The following TMF1 variants were observed in gnomAD, a reference collection of about 807,000 sequenced individuals.
The protein encoded by TMF1 is TATA element modulatory factor 1.
A neutral mutation model predicts 126.5 loss-of-function variants in TMF1; 71 were observed. The ratio of observed to expected loss-of-function variants is 0.56; its 90% CI spans 0.46 to 0.68. The LOEUF (loss-of-function observed/expected upper bound fraction) is 0.68, where lower values mean the gene tolerates loss of function less well. Among genes scored for constraint, TMF1 ranks in the 30% least tolerant of loss-of-function variants. The pLI is 0.00. For synonymous variants in TMF1, 461 were observed against 430.5 expected, an observed-to-expected ratio of 1.07 and a Z score of -0.88; for missense variants, 1,259 against 1,253.2, an observed-to-expected ratio of 1.00 and a Z score of -0.07.
chr3:69,047,899 C>T lies in TMF1; in HGVS notation c.806G>A (p.Ser269Asn). 6.2e-7 allele frequency: 1 copy of T among 1,613,884 alleles called. No homozygotes were observed. Among genetic ancestry groups the T allele is most frequent in the Non-Finnish European group, 8.5e-7 (1 of 1,180,016 alleles). The change falls in exon 2 of 17, where the codon AGT becomes AAT. Residue 269 changes from serine to asparagine, a missense_variant. Transcript: ENST00000398559. Reference protein sequence around the residue: ...IEVLDHESVISESSASSRQET... With the variant: ...IEVLDHESVINESSASSRQET... ...TTGTCTCGAGCTCGCTGAGCTCTCACTTATTACACTTTCATGATCTAAAAC... is the reference window on the plus strand; with the variant it reads ...TTGTCTCGAGCTCGCTGAGCTCTCATTTATTACACTTTCATGATCTAAAAC...
chr3:69,048,667 A>G (rs907883301), intron 1 of TMF1, 105 bp from the exon 2 acceptor site: 8 of 1,065,114 alleles, frequency 7.5e-6, no homozygotes, highest in South Asian at 2.0e-5. Context: ...AAAATACCCT[A>G]TGAAATACCT....
At chr3:69,049,369 GTC>G (rs1259067303) in intron 1 of TMF1, among the ~76,000 whole-genome samples, 1 of 152,156 alleles carries the variant, frequency 6.6e-6, no homozygotes. Flanking sequence ...TCGAGAACCT[GTC>G]TCGAAAACAA....
At chr3:69,031,419 C>A (rs1197660409) in intron 10 of TMF1, among the ~76,000 whole-genome samples, 1 of 150,444 alleles carries the variant, frequency 6.6e-6, no homozygotes. Context: ...GAACTTAATA[C>A]ACACACACAC....
chr3:69,033,499 A>G, intron 10 of TMF1, 49 bp downstream of exon 10: 2 of 1,557,418 alleles, frequency 1.3e-6, no homozygotes, highest in Non-Finnish European at 1.7e-6. Flanking sequence ...TAATTCTATA[A>G]ACAAGATGGA....
At chr3:69,035,001 T>A in intron 9 of TMF1, 22 bp downstream of exon 9, 1 of 1,600,224 alleles carries the variant, frequency 6.2e-7, no homozygotes, top group African/African-American at 1.3e-5. Context: ...TGGATTTGTG[T>A]TTTGGAAACC....
Position 69,047,998 on chromosome 3 carries a change from T to C in TMF1, c.707A>G (p.Asp236Gly). The C allele has an allele frequency of 6.2e-7, 1 of 1,613,906 alleles. No individual in the cohort carries two copies. Among genetic ancestry groups the C allele is most frequent in the East Asian group, 2.2e-5 (1 of 44,882 alleles). ...AGGAGAAGGTGTATTGCTCTGCCTG[T>C]CTTCATGTTTTTGTTCCTTAGGTTC... The part of the protein sequence containing the change: ...ALEPKEQKHE[D>G]RQSNTPSPPV... Residue 236 changes from aspartate (D) to glycine (G), a missense_variant, in exon 2 of 17, where the codon GAC becomes GGC. Transcript: ENST00000398559.
intron 1 of TMF1, among the ~76,000 whole-genome samples, chr3:69,051,725 C>T (rs2091930767): frequency 6.6e-6 from 1 of 152,016 alleles, no homozygotes; most frequent in Non-Finnish European, 1.5e-5. Flanking sequence ...GCACCCAGGA[C>T]CAAAGAAAGA....
Position 69,047,881 on chromosome 3 carries a change from G to C in TMF1, c.824C>G (p.Ser275Trp), listed in dbSNP as rs527848437. 18 of 1,613,810 alleles carry C rather than the reference G, an allele frequency of 1.1e-5. No individual in the cohort carries two copies. Among genetic ancestry groups the C allele is most frequent in the African/African-American group, 9.3e-5 (7 of 75,020 alleles). The part of the protein sequence containing the change: ...ESVISESSAS[S>W]RQETTDSKSS... ...TTTTGAATCTGTAGTCTCTTGTCTC[G>C]AGCTCGCTGAGCTCTCACTTATTAC... The change falls in exon 2 of 17, where the codon TCG becomes TGG. Residue 275 changes from serine to tryptophan, a missense_variant. Transcript: ENST00000398559.
chr3:69,024,058 T>C lies in TMF1; in HGVS notation c.3135A>G (p.Leu1045=), dbSNP rs201445607. ...TCCTTAGGTGAAGAATACTTACTCTTAGCTGAGTTCTAAGTTTGGGTATCT... is the reference window on the plus strand; with the variant it reads ...TCCTTAGGTGAAGAATACTTACTCTCAGCTGAGTTCTAAGTTTGGGTATCT... ...VKEIPKLRTQ[L]RDLDQRYNTI... The change falls in exon 16 of 17, where the codon CTA becomes CTG. Residue 1045 remains leucine, a synonymous_variant. Transcript: ENST00000398559. 106 of 1,604,816 alleles carry C rather than the reference T, an allele frequency of 6.6e-5. No homozygotes were observed. The African/African-American group carries it at 1.3e-3, about 20-fold the overall frequency.
chr3:69,035,163 C>T, intron 8 of TMF1, 48 bp from the exon 9 acceptor site: 1 of 1,442,662 alleles, frequency 6.9e-7, no homozygotes, highest in Non-Finnish European at 9.7e-7. Context: ...ACAGTATTAT[C>T]TATAACTTCC....
Position 69,044,466 on chromosome 3 carries a change from A to T in TMF1, c.1451+26T>A, listed in dbSNP as rs544190009. ...TACAGGTTTCCAGAAAATGTGTAACATTATTCACATTTGCAGAATACTTAC... is the reference window on the plus strand; with the variant it reads ...TACAGGTTTCCAGAAAATGTGTAACTTTATTCACATTTGCAGAATACTTAC... On this transcript the variant is annotated intron_variant, in intron 3 of 16. Coordinates refer to ENST00000398559, the MANE Select transcript of TMF1 (RefSeq NM_007114.3). The T allele has an allele frequency of 4.2e-5, 54 of 1,291,642 alleles. No homozygotes were observed. In the South Asian group the frequency reaches 6.3e-4, roughly 15 times the overall value. 80.0% of individuals were successfully genotyped at this position (1,291,642 alleles called of 1,614,324 possible).
At chr3:69,028,029 T>C (rs372712074) in intron 12 of TMF1, 37 bp from the exon 13 acceptor site, 7 of 1,277,818 alleles carry the variant, frequency 5.5e-6, no homozygotes, top group South Asian at 1.3e-5. Flanking sequence ...ATTTCTGTGA[T>C]AGTAATTCAT....
At position 69,028,011 on chromosome 3, in the gene TMF1, G is replaced by C; in HGVS notation, c.2665-19C>G. 7.0e-7 allele frequency: 1 copy of C among 1,426,986 alleles called. No individual in the cohort carries two copies. The highest frequency in any genetic ancestry group is 9.8e-7 in the Non-Finnish European group (1 of 1,019,202). 88.4% of individuals were successfully genotyped at this position (1,426,986 alleles called of 1,614,324 possible). ...ACAATGTCTAATAGAGAGAAATAAA[G>C]TTAGACAATTTCTGTGATAGTAATT... On this transcript the variant is annotated intron_variant, in intron 12 of 16. Coordinates refer to ENST00000398559, the MANE Select transcript of TMF1 (RefSeq NM_007114.3).
At position 69,050,923 on chromosome 3, in the gene TMF1, G is replaced by A. The variant is rs1283641449; in HGVS notation, c.142+1022C>T. ...GCTGAACTGTTCCTTAGACTTAAGAGTCAAAAGCAACTGAATGAAGATCCC... is the reference window on the plus strand; with the variant it reads ...GCTGAACTGTTCCTTAGACTTAAGAATCAAAAGCAACTGAATGAAGATCCC... On this transcript the variant is annotated intron_variant, in intron 1 of 16. Transcript: ENST00000398559. Among the ~76,000 whole-genome samples the A allele has an allele frequency of 2.6e-5, 4 of 152,276 alleles. No individual in the cohort carries two copies. The East Asian group carries it at 7.7e-4, about 29-fold the overall frequency.
rs2091848595 is a variant in TMF1 at position 69,039,010 on chromosome 3, CTATA to C, written c.1828-5_1828-2del. ...CAACCTCTTCTTTGCCATCAAGGACCTATATGTTATAAAAACAGACAAAAGTATT... is the reference window on the plus strand; with the variant it reads ...CAACCTCTTCTTTGCCATCAAGGACCTGTTATAAAAACAGACAAAAGTATT... On this transcript the variant is annotated splice_acceptor_variant and splice_polypyrimidine_tract_variant and intron_variant, in intron 6 of 16. Transcript: ENST00000398559. LOFTEE classifies it high-confidence loss of function. 6.5e-7 allele frequency: 1 copy of C among 1,542,416 alleles called. No homozygotes were observed. Among genetic ancestry groups the C allele is most frequent in the South Asian group, 1.3e-5 (1 of 79,316 alleles).
At chr3:69,050,996 G>C (rs1156374597) in intron 1 of TMF1, among the ~76,000 whole-genome samples, 1 of 152,200 alleles carries the variant, frequency 6.6e-6, no homozygotes, top group East Asian at 1.9e-4. Context: ...TGGCTATTCA[G>C]AAATAAAATG....
intron 8 of TMF1, among the ~76,000 whole-genome samples, chr3:69,037,048 A>T (rs1002395245): frequency 6.6e-6 from 1 of 152,226 alleles, no homozygotes. Flanking sequence ...TAGTATGCAG[A>T]TTATACAAAG....
chr3:69,042,098 G>A (rs748028319), intron 5 of TMF1, among the ~76,000 whole-genome samples: 2 of 151,940 alleles, frequency 1.3e-5, no homozygotes, highest in South Asian at 2.1e-4. Context: ...GTACAGTGGC[G>A]TGATCTTGGC....
In TMF1 at chr3:69,038,719, C is replaced by G. The variant is rs761960395; in HGVS notation, c.1996G>C (p.Glu666Gln). The change falls in exon 8 of 17, where the codon GAA becomes CAA. Residue 666 changes from glutamate (E) to glutamine (Q), a missense_variant and splice_region_variant. Coordinates refer to ENST00000398559, the MANE Select transcript of TMF1 (RefSeq NM_007114.3). ...IQAALDSAYKELTDLHKANAA... is the reference protein window; with the variant it reads ...IQAALDSAYKQLTDLHKANAA... Reference sequence around the variant, plus strand: ...TTGGCTTTGTGAAGATCAGTAAGTTCTCTTAAAAAATTAGATTGAGTTTAT... The same window carrying G: ...TTGGCTTTGTGAAGATCAGTAAGTTGTCTTAAAAAATTAGATTGAGTTTAT... 9 of 1,602,564 alleles carry G rather than the reference C, an allele frequency of 5.6e-6. No homozygotes were observed. Among genetic ancestry groups the G allele is most frequent in the Non-Finnish European group, 7.7e-6 (9 of 1,176,096 alleles).
Sources: allele counts gnomAD v4.1 joint callset (sites outside exome capture counted in the v4.1 genomes callset), GRCh38; gene constraint gnomAD v4.1.1; transcripts MANE v1.5; gene names NCBI Gene and HGNC (gene_info 2026-07-23, HGNC 2026-07-21).